Variants in SORCS1 observed in about 807,000 individuals in gnomAD.
SORCS1 encodes the protein sortilin related VPS10 domain containing receptor 1.
A neutral mutation model predicts 146.1 loss-of-function variants in SORCS1; 60 were observed. The observed-to-expected ratio is 0.41, with a 90% CI of 0.33 to 0.51. SORCS1 has a LOEUF of 0.51. SORCS1 is among the 20% of genes least tolerant of loss of function. The pLI is 0.21. For missense variants in SORCS1, 1,352 were observed against 1,487.6 expected, an observed-to-expected ratio of 0.91 and a Z score of 1.50; for synonymous variants, 637 against 584.0, an observed-to-expected ratio of 1.09 and a Z score of -1.31.
rs1159792154 is a variant in SORCS1 at position 107,073,931 on chromosome 10, C to G, written c.558+90038G>C. On this transcript the variant is annotated intron_variant, in intron 1 of 25. Coordinates refer to ENST00000263054, the MANE Select transcript of SORCS1 (RefSeq NM_052918.5). ...GCAGTTTTAGGTGGAATGGAAGGTACAGAGATTTCCCATATATTCCGTGCT... is the reference window on the plus strand; with the variant it reads ...GCAGTTTTAGGTGGAATGGAAGGTAGAGAGATTTCCCATATATTCCGTGCT... Among the ~76,000 whole-genome samples the G allele has an allele frequency of 2.0e-5, 3 of 151,878 alleles. No individual in the cohort carries two copies. In the East Asian group the frequency reaches 5.8e-4, roughly 29 times the overall value.
chr10:107,002,600 G>A (rs1957265840), intron 1 of SORCS1, among the ~76,000 whole-genome samples: 2 of 152,138 alleles, frequency 1.3e-5, no homozygotes, highest in Admixed American at 1.3e-4. Flanking sequence ...TAGCTTTCCT[G>A]AATATGCTAT....
At chr10:106,645,822 T>C (rs1444429686) in intron 18 of SORCS1, among the ~76,000 whole-genome samples, 2 of 152,110 alleles carry the variant, frequency 1.3e-5, no homozygotes, top group Non-Finnish European at 2.9e-5. Context: ...AAATACTTTT[T>C]TCCCTCTAGG....
intron 1 of SORCS1, among the ~76,000 whole-genome samples, chr10:107,142,600 T>A (rs1412265291): frequency 6.6e-6 from 1 of 152,240 alleles, no homozygotes; most frequent in Non-Finnish European, 1.5e-5. Context: ...CACTGGTCTA[T>A]ATTAAAATGT....
At chr10:107,026,939 T>C (rs957974861) in intron 1 of SORCS1, among the ~76,000 whole-genome samples, 2 of 151,382 alleles carry the variant, frequency 1.3e-5, no homozygotes, top group African/African-American at 4.9e-5. Flanking sequence ...GACTCTCTAA[T>C]GCGTCTTTAA....
rs559769825 is a variant in SORCS1 at position 106,850,445 on chromosome 10, C to T, written c.627-20772G>A. ...GGCAATGCCTCGCCCTGCTTCGGCT[C>T]GCACACGGTGCGCGCACTCACTGGC... is the stretch of plus-strand genomic sequence containing the variant. On this transcript the variant is annotated intron_variant, in intron 2 of 25. Transcript: ENST00000263054. Among the ~76,000 whole-genome samples the T allele has an allele frequency of 5.7e-4, 86 of 152,190 alleles. No homozygotes were observed. In the East Asian group the frequency reaches 0.014, roughly 25 times the overall value.
chr10:106,939,044 C>T (rs898630622), intron 2 of SORCS1, among the ~76,000 whole-genome samples: 1 of 152,100 alleles, frequency 6.6e-6, no homozygotes, highest in African/African-American at 2.4e-5. Context: ...AATTCTGACT[C>T]GTTTTTGAGG....
chr10:106,823,579 C>T (rs1241660946), intron 3 of SORCS1, among the ~76,000 whole-genome samples: 5 of 152,134 alleles, frequency 3.3e-5, no homozygotes, highest in African/African-American at 9.7e-5. Context: ...ATGCTCGGCA[C>T]GTTAAAGAAT....
At chr10:106,817,674 G>A (rs1248854060) in intron 3 of SORCS1, among the ~76,000 whole-genome samples, 1 of 152,140 alleles carries the variant, frequency 6.6e-6, no homozygotes, top group Non-Finnish European at 1.5e-5. Flanking sequence ...TAAGATTCTA[G>A]AGAATGAAAG....
intron 2 of SORCS1, among the ~76,000 whole-genome samples, chr10:106,830,193 T>G (rs895802658): frequency 4.6e-5 from 7 of 152,184 alleles, no homozygotes; most frequent in Admixed American, 4.6e-4. Flanking sequence ...TTTCATGAAT[T>G]TCATACTCCA....
At chr10:107,122,097 G>A (rs1358088651) in intron 1 of SORCS1, among the ~76,000 whole-genome samples, 3 of 152,134 alleles carry the variant, frequency 2.0e-5, no homozygotes, top group Non-Finnish European at 2.9e-5. Flanking sequence ...AAGTGCTCCG[G>A]AGACTGGTTT....
At chr10:107,118,774 C>T (rs1255546756) in intron 1 of SORCS1, among the ~76,000 whole-genome samples, 2 of 152,142 alleles carry the variant, frequency 1.3e-5, no homozygotes, top group South Asian at 2.1e-4. Context: ...GAGTATGTCA[C>T]ATTTTGGTTG....
At chr10:106,811,084 C>T (rs966755454) in intron 3 of SORCS1, among the ~76,000 whole-genome samples, 3 of 151,844 alleles carry the variant, frequency 2.0e-5, no homozygotes, top group East Asian at 1.9e-4. Flanking sequence ...GGATTACAGG[C>T]GCCTACCACC....
chr10:106,801,745 C>T (rs2484975), intron 3 of SORCS1, among the ~76,000 whole-genome samples: 42,611 of 151,826 alleles, frequency 0.28, 6,147 homozygotes, highest in Non-Finnish European at 0.31. Flanking sequence ...TTAGCCAGGA[C>T]GGTCTCGATC....
intron 1 of SORCS1, among the ~76,000 whole-genome samples, chr10:107,104,700 G>A (rs751555357): frequency 6.6e-6 from 1 of 152,238 alleles, no homozygotes; most frequent in Non-Finnish European, 1.5e-5. Flanking sequence ...ATCCTGGTAT[G>A]AAAGAGCTCC....
intron 11 of SORCS1, 125 bp from the exon 12 acceptor site, chr10:106,679,457 T>C (rs1363380533): frequency 2.1e-6 from 2 of 961,360 alleles, no homozygotes; most frequent in Non-Finnish European, 3.1e-6. Flanking sequence ...AGGGGTTTTC[T>C]GCAGACTTGC....
intron 2 of SORCS1, among the ~76,000 whole-genome samples, chr10:106,928,060 C>T (rs547891434): frequency 1.1e-4 from 17 of 152,386 alleles, no homozygotes; most frequent in South Asian, 2.1e-4. Flanking sequence ...GATCCCGCAC[C>T]GGCGCTGCAT....
intron 5 of SORCS1, among the ~76,000 whole-genome samples, chr10:106,735,426 A>T (rs1441056180): frequency 6.6e-6 from 1 of 152,224 alleles, no homozygotes; most frequent in Non-Finnish European, 1.5e-5. Flanking sequence ...GGGTTCTAAC[A>T]TTCAAGGTGC....
chr10:107,067,451 A>T (rs1961986632), intron 1 of SORCS1, among the ~76,000 whole-genome samples: 1 of 152,144 alleles, frequency 6.6e-6, no homozygotes, highest in South Asian at 2.1e-4. Context: ...GTCCCTTTGA[A>T]ATGGAAAATA....
chr10:106,590,062 A>G (rs947488984), intron 24 of SORCS1, among the ~76,000 whole-genome samples: 3 of 152,154 alleles, frequency 2.0e-5, no homozygotes, highest in African/African-American at 7.2e-5. Flanking sequence ...CAGTAAATAT[A>G]CTAATTATGA....
Sources: gnomAD v4.1 joint callset for allele counts (sites outside exome capture counted in the v4.1 genomes callset) on GRCh38, gnomAD v4.1.1 for gene constraint, MANE v1.5 for transcripts, NCBI Gene and HGNC (gene_info 2026-07-23, HGNC 2026-07-21) for gene names.